Variants in NIPAL2 observed in about 807,000 individuals in gnomAD.
NIPAL2 encodes NIPA like domain containing 2.
A neutral mutation model predicts 48.9 loss-of-function variants in NIPAL2; 43 were observed. The ratio of observed to expected loss-of-function variants is 0.88; its 90% CI spans 0.69 to 1.13. The LOEUF (loss-of-function observed/expected upper bound fraction) is 1.13, where lower values mean the gene tolerates loss of function less well. NIPAL2 is among the 50% of genes most tolerant of loss of function. The pLI, the probability that NIPAL2 is intolerant of heterozygous loss-of-function variation, is 0.00. For missense variants in NIPAL2, 446 were observed against 461.4 expected, an observed-to-expected ratio of 0.97 and a Z score of 0.31; for synonymous variants, 167 against 174.6, an observed-to-expected ratio of 0.96 and a Z score of 0.34.
intron 1 of NIPAL2, among the ~76,000 whole-genome samples, chr8:98,277,863 T>A (rs1481773891): frequency 6.6e-6 from 1 of 152,240 alleles, no homozygotes; most frequent in East Asian, 1.9e-4. Context: ...ATTTTATTTA[T>A]CCATTCATCC....
chr8:98,213,038 C>T (rs1811397070), intron 5 of NIPAL2, among the ~76,000 whole-genome samples: 2 of 152,160 alleles, frequency 1.3e-5, no homozygotes, highest in Admixed American at 6.5e-5. Flanking sequence ...TTTAAAAACA[C>T]AATTTGGATA....
intron 3 of NIPAL2, among the ~76,000 whole-genome samples, chr8:98,249,126 C>G (rs1451688509): frequency 2.0e-5 from 3 of 152,116 alleles, no homozygotes; most frequent in Admixed American, 6.5e-5. Context: ...TGCATCTGCC[C>G]CTCAAAGATT....
intron 1 of NIPAL2, among the ~76,000 whole-genome samples, chr8:98,259,452 T>C (rs1814153978): frequency 6.6e-6 from 1 of 152,192 alleles, no homozygotes; most frequent in South Asian, 2.1e-4. Flanking sequence ...ATTACATTAT[T>C]AATATCTTAA....
intron 1 of NIPAL2, among the ~76,000 whole-genome samples, chr8:98,272,292 A>G (rs932345532): frequency 2.6e-5 from 4 of 152,250 alleles, no homozygotes; most frequent in East Asian, 1.9e-4. Context: ...AAGATCATCA[A>G]GAGCGGAGGT....
chr8:98,243,899 A>AT (rs1226265938), intron 3 of NIPAL2, among the ~76,000 whole-genome samples: 1 of 152,158 alleles, frequency 6.6e-6, no homozygotes, highest in Non-Finnish European at 1.5e-5. Flanking sequence ...TAAAATAATA[A>AT]TTTTTTATTA....
At position 98,224,755 on chromosome 8, in the gene NIPAL2, C is replaced by CTTTTTTTTTTT. The variant is rs371936351; in HGVS notation, c.437-2166_437-2156dup. On this transcript the variant is annotated intron_variant, in intron 4 of 10. Coordinates refer to ENST00000430223, the MANE Select transcript of NIPAL2 (RefSeq NM_001321635.2). ...CAGTTATACTTTCTTTCTTTCTTTTCTTTTTTTTTTTTTTTTTTGTTGAAA... is the reference window on the plus strand; with the variant it reads ...CAGTTATACTTTCTTTCTTTCTTTTCTTTTTTTTTTTTTTTTTTTTTTTTTTTTTGTTGAAA... 2.5e-3 allele frequency among the ~76,000 whole-genome samples: 305 copies of CTTTTTTTTTTT among 123,678 alleles called. 1 individual carries two copies. The highest frequency in any genetic ancestry group is 3.2e-3 in the Non-Finnish European group (197 of 61,456). 81.1% of individuals were successfully genotyped at this position (123,678 alleles called of 152,430 possible). A position where few individuals can be genotyped will look rare whatever the true frequency, so the allele number is the denominator to read the frequency against.
At chr8:98,193,214 A>G in intron 10 of NIPAL2, 124 bp from the exon 11 acceptor site, 1 of 1,047,302 alleles carries the variant, frequency 9.5e-7, no homozygotes, top group Non-Finnish European at 1.5e-6. Context: ...CACTCTCTAA[A>G]GAGAAGAGAT....
intron 1 of NIPAL2, among the ~76,000 whole-genome samples, chr8:98,285,819 G>T (rs1816122659): frequency 6.6e-6 from 1 of 152,058 alleles, no homozygotes; most frequent in South Asian, 2.1e-4. Flanking sequence ...CCAGAAGAGA[G>T]ACTGACTCCT....
At chr8:98,280,874 C>CT (rs916453785) in intron 1 of NIPAL2, among the ~76,000 whole-genome samples, 12 of 150,692 alleles carry the variant, frequency 8.0e-5, no homozygotes, top group Non-Finnish European at 1.3e-4. Context: ...TTGTACTACT[C>CT]TTTTTTACTT....
At chr8:98,238,863 T>C (rs943751251) in intron 3 of NIPAL2, among the ~76,000 whole-genome samples, 3 of 152,182 alleles carry the variant, frequency 2.0e-5, no homozygotes, top group Non-Finnish European at 4.4e-5. Context: ...TGAAAATGTA[T>C]GCAAATTTTC....
chr8:98,189,854 T>C lies in NIPAL2; in HGVS notation c.*3124A>G, dbSNP rs1810233173. The C allele has an allele frequency of 6.6e-6, 1 of 152,204 alleles. No homozygotes were observed. The highest frequency in any genetic ancestry group is 2.1e-4 in the South Asian group (1 of 4,830). 9.4% of individuals were successfully genotyped at this position (152,204 alleles called of 1,614,324 possible). A position where few individuals can be genotyped will look rare whatever the true frequency, so the allele number is the denominator to read the frequency against. On this transcript the variant is annotated 3_prime_UTR_variant, in exon 11 of 11. Transcript: ENST00000430223. Reference sequence around the variant, plus strand: ...CTGCTTGAGAAATTTTTTTATTGTATTTGTTTTCAAGTGATTCTGGTAACC... The same window carrying C: ...CTGCTTGAGAAATTTTTTTATTGTACTTGTTTTCAAGTGATTCTGGTAACC...
intron 9 of NIPAL2, chr8:98,195,726 A>G (rs1339425067): frequency 2.5e-5 from 10 of 404,716 alleles, no homozygotes; most frequent in Non-Finnish European, 4.5e-5. Flanking sequence ...GAAATCCCCA[A>G]TGTTTCAGAA....
intron 1 of NIPAL2, among the ~76,000 whole-genome samples, chr8:98,293,362 T>A (rs1015460883): frequency 6.6e-6 from 1 of 152,194 alleles, no homozygotes; most frequent in African/African-American, 2.4e-5. Flanking sequence ...CCAAGTCCCT[T>A]TGATTTTGTT....
intron 3 of NIPAL2, among the ~76,000 whole-genome samples, chr8:98,243,020 G>A (rs75175857): frequency 0.012 from 1,853 of 152,330 alleles, 29 homozygotes; most frequent in African/African-American, 0.042. Context: ...GGAGTCATGG[G>A]GGGCAGGGCG....
At chr8:98,257,504 G>T (rs1056205079) in intron 1 of NIPAL2, among the ~76,000 whole-genome samples, 1 of 151,912 alleles carries the variant, frequency 6.6e-6, no homozygotes, top group African/African-American at 2.4e-5. Flanking sequence ...TGATCTGCCC[G>T]CCTTGACCTA....
chr8:98,267,014 T>C (rs1814814772), intron 1 of NIPAL2, among the ~76,000 whole-genome samples: 1 of 152,120 alleles, frequency 6.6e-6, no homozygotes, highest in African/African-American at 2.4e-5. Context: ...GCAGACATAG[T>C]AAATGAAGGT....
intron 3 of NIPAL2, among the ~76,000 whole-genome samples, chr8:98,240,095 A>G (rs1161422776): frequency 6.6e-6 from 1 of 152,256 alleles, no homozygotes; most frequent in East Asian, 1.9e-4. Context: ...TCACTTAAAA[A>G]GCATGAAAAC....
At chr8:98,285,204 G>C (rs1048261990) in intron 1 of NIPAL2, among the ~76,000 whole-genome samples, 1 of 152,206 alleles carries the variant, frequency 6.6e-6, no homozygotes. Context: ...TGAGCTGGGA[G>C]TGGTGTTAGC....
intron 4 of NIPAL2, among the ~76,000 whole-genome samples, chr8:98,233,186 AG>A (rs1387726008): frequency 2.6e-5 from 4 of 151,950 alleles, no homozygotes; most frequent in Non-Finnish European, 5.9e-5. Flanking sequence ...TGAACCTAGG[AG>A]GTGGAGGTTG....
Sources: allele counts gnomAD v4.1 joint callset (sites outside exome capture counted in the v4.1 genomes callset), GRCh38; gene constraint gnomAD v4.1.1; transcripts MANE v1.5; gene names NCBI Gene and HGNC (gene_info 2026-07-23, HGNC 2026-07-21).